Variants in TMEM117 observed in about 807,000 individuals in gnomAD.
The protein encoded by TMEM117 is transmembrane protein 117.
A neutral mutation model predicts 52.4 loss-of-function variants in TMEM117; 27 were observed. The ratio of observed to expected loss-of-function variants is 0.51; its 90% CI spans 0.38 to 0.71. The LOEUF (loss-of-function observed/expected upper bound fraction) is 0.71. TMEM117 is among the 30% of genes least tolerant of loss of function. The pLI is 0.00. For synonymous variants in TMEM117, 215 were observed against 206.3 expected (o/e 1.04, Z -0.36); for missense variants, 556 against 630.5 (o/e 0.88, Z 1.26).
At chr12:43,827,132 T>C in the TMEM117 span, among the ~76,000 whole-genome samples, 3 of 151,822 alleles carry the variant, frequency 2.0e-5, no homozygotes, top group Non-Finnish European at 4.4e-5. Flanking sequence ...GGAGGTCACT[T>C]AATTATTCTG....
chr12:44,283,878 A>G (rs1395967581), intron 5 of TMEM117, among the ~76,000 whole-genome samples: 13 of 152,152 alleles, frequency 8.5e-5, no homozygotes, highest in Admixed American at 8.5e-4. Context: ...GGAGAGACTC[A>G]GGGCTAGGTA....
Position 44,388,899 on chromosome 12 carries a change from A to C in TMEM117, c.*227A>C. Reference sequence around the variant, plus strand: ...AGTCCTCTAGAGATTGCTTTTCACAATTGCACAAGCTATTACTGACTTTAC... The same window carrying C: ...AGTCCTCTAGAGATTGCTTTTCACACTTGCACAAGCTATTACTGACTTTAC... On this transcript the variant is annotated 3_prime_UTR_variant, in exon 8 of 8. Transcript: ENST00000266534. The C allele has an allele frequency of 1.9e-6, 1 of 525,102 alleles. No individual in the cohort carries two copies. Among genetic ancestry groups the C allele is most frequent in the Non-Finnish European group, 3.4e-6 (1 of 297,046 alleles). The allele number at this position is 525,102 out of a possible 1,614,324, so 32.5% of individuals were successfully genotyped here.
chr12:44,191,393 A>G (rs967456867), intron 4 of TMEM117, among the ~76,000 whole-genome samples: 8 of 152,014 alleles, frequency 5.3e-5, no homozygotes, highest in African/African-American at 1.9e-4. Flanking sequence ...CTGTCTATCT[A>G]TGTATCAATC....
chr12:44,297,859 A>G (rs1021146486), intron 5 of TMEM117, among the ~76,000 whole-genome samples: 6 of 152,138 alleles, frequency 3.9e-5, no homozygotes, highest in Non-Finnish European at 5.9e-5. Flanking sequence ...ATTTCTATCT[A>G]TTGAGTTATA....
rs1943023404 is a variant in TMEM117, at chr12:43,836,145, C to G, written c.-80C>G. The G allele has an allele frequency of 6.6e-6, 1 of 152,022 alleles. No individual in the cohort carries two copies. Among genetic ancestry groups the G allele is most frequent in the African/African-American group, 2.4e-5 (1 of 41,412 alleles). 9.4% of individuals were successfully genotyped at this position (152,022 alleles called of 1,614,324 possible). A position where few individuals can be genotyped will look rare whatever the true frequency, so the allele number is the denominator to read the frequency against. ...GGCCGCCGGCGCGCCGAGGGCTGTG[C>G]TCGACCGCGAATCCCGTGTGCAGTC... is the stretch of plus-strand genomic sequence containing the variant. On this transcript the variant is annotated 5_prime_UTR_variant, in exon 1 of 8. Transcript: ENST00000266534.
chr12:44,277,695 A>G (rs556449074), intron 5 of TMEM117, among the ~76,000 whole-genome samples: 6 of 146,050 alleles, frequency 4.1e-5, no homozygotes, highest in African/African-American at 1.0e-4. Context: ...ATTTCCCCCC[A>G]TTTCAGCAAC....
intron 6 of TMEM117, among the ~76,000 whole-genome samples, chr12:44,322,059 A>G (rs892608465): frequency 1.3e-5 from 2 of 152,122 alleles, no homozygotes; most frequent in African/African-American, 4.8e-5. Context: ...CTGGGTAGGG[A>G]TGGGAGAAAG....
At position 44,073,204 on chromosome 12, in the gene TMEM117, G is replaced by A. The variant is rs191791949; in HGVS notation, c.411-70321G>A. 5.3e-5 allele frequency among the ~76,000 whole-genome samples: 8 copies of A among 152,200 alleles called. No individual in the cohort carries two copies. In the East Asian group the frequency reaches 1.5e-3, roughly 29 times the overall value. On this transcript the variant is annotated intron_variant, in intron 3 of 7. Transcript: ENST00000266534. ...CAAGCTTTTAAAACATTAATAAGTA[G>A]ATCATTTTTGAACACTTATTGTGCC...
At chr12:43,895,628 C>T (rs1378866349) in intron 2 of TMEM117, among the ~76,000 whole-genome samples, 5 of 152,194 alleles carry the variant, frequency 3.3e-5, no homozygotes, top group African/African-American at 1.2e-4. Context: ...AAACAACTGT[C>T]TGAAGTGGTG....
At chr12:43,802,328 T>C in the TMEM117 span, 1 of 1,590,332 alleles carries the variant, frequency 6.3e-7, no homozygotes. Context: ...TCCATTCATA[T>C]CCCTGGGCAT....
chr12:43,874,096 C>T (rs1393430857), intron 2 of TMEM117, among the ~76,000 whole-genome samples: 2 of 151,920 alleles, frequency 1.3e-5, no homozygotes, highest in South Asian at 2.1e-4. Context: ...TAGTTTTTCC[C>T]ACATTGGTAA....
intron 4 of TMEM117, among the ~76,000 whole-genome samples, chr12:44,195,410 G>A (rs1224619686): frequency 6.6e-6 from 1 of 152,016 alleles, no homozygotes; most frequent in African/African-American, 2.4e-5. Flanking sequence ...GAGTAAATTA[G>A]TACCACCCAA....
chr12:43,969,145 G>C (rs1945534570), intron 3 of TMEM117, among the ~76,000 whole-genome samples: 1 of 151,894 alleles, frequency 6.6e-6, no homozygotes, highest in African/African-American at 2.4e-5. Context: ...TTTAATTGCT[G>C]TCAAGAAAAG....
At chr12:44,187,336 A>G (rs974707666) in intron 4 of TMEM117, among the ~76,000 whole-genome samples, 3 of 152,118 alleles carry the variant, frequency 2.0e-5, no homozygotes, top group African/African-American at 7.2e-5. Context: ...TCTATTTTTA[A>G]AAAATATACT....
intron 3 of TMEM117, among the ~76,000 whole-genome samples, chr12:44,134,226 G>GT (rs1948456350): frequency 6.6e-6 from 1 of 152,106 alleles, no homozygotes; most frequent in Non-Finnish European, 1.5e-5. Flanking sequence ...TTGTTTTTGT[G>GT]TTTTTGAGAC....
intron 5 of TMEM117, among the ~76,000 whole-genome samples, chr12:44,270,763 A>G (rs1043472127): frequency 6.6e-6 from 1 of 152,100 alleles, no homozygotes; most frequent in Non-Finnish European, 1.5e-5. Flanking sequence ...GTCATAAACA[A>G]CTTTTATTAC....
intron 5 of TMEM117, among the ~76,000 whole-genome samples, chr12:44,255,057 G>C (rs1473902321): frequency 6.6e-6 from 1 of 151,892 alleles, no homozygotes; most frequent in Non-Finnish European, 1.5e-5. Context: ...CCAGTCTATC[G>C]TTGTTGGACA....
chr12:44,013,676 C>T (rs559306539), intron 3 of TMEM117, among the ~76,000 whole-genome samples: 3 of 152,252 alleles, frequency 2.0e-5, no homozygotes, highest in East Asian at 3.9e-4. Flanking sequence ...GAGGTTTTAG[C>T]TCTCAGACTT....
chr12:44,366,301 C>T (rs746211279), intron 6 of TMEM117, among the ~76,000 whole-genome samples: 2 of 151,974 alleles, frequency 1.3e-5, no homozygotes, highest in Non-Finnish European at 2.9e-5. Context: ...GTTCTTTACC[C>T]CAGCATGTGG....
Sources: gnomAD v4.1 joint callset for allele counts (sites outside exome capture counted in the v4.1 genomes callset) on GRCh38, gnomAD v4.1.1 for gene constraint, MANE v1.5 for transcripts, NCBI Gene and HGNC (gene_info 2026-07-23, HGNC 2026-07-21) for gene names.